NMT1: variants seen among roughly 807,000 people sequenced by gnomAD.
The protein encoded by NMT1 is glycylpeptide N-tetradecanoyltransferase 1.
In NMT1, 12 loss-of-function variants were observed where a neutral mutation model predicts 63.4. The ratio of observed to expected loss-of-function variants is 0.19; its 90% CI spans 0.12 to 0.31. The LOEUF (loss-of-function observed/expected upper bound fraction) is 0.31. Ranked by LOEUF, NMT1 falls within the 10% of genes least tolerant of loss-of-function variation. The probability of loss-of-function intolerance (pLI) is 1.00; values close to 1 mark genes in which losing one functional copy is unlikely to be tolerated. For synonymous variants in NMT1, 228 were observed against 234.3 expected (o/e 0.97, Z 0.25); for missense variants, 432 against 634.6 (o/e 0.68, Z 3.43).
chr17:45,072,920 A>G (rs1467381233), intron 1 of NMT1, among the ~76,000 whole-genome samples: 1 of 152,188 alleles, frequency 6.6e-6, no homozygotes, highest in Non-Finnish European at 1.5e-5. Flanking sequence ...GCTCAAGAGC[A>G]CAGCATTTCC....
intron 7 of NMT1, 151 bp from the exon 8 acceptor site, chr17:45,099,254 G>A (rs877599): frequency 0.2 from 124,101 of 627,676 alleles, 13,706 homozygotes; most frequent in African/African-American, 0.33. Context: ...TGTGGGGAGG[G>A]GGAGGCTGGA....
chr17:45,092,716 AAAAAAG>A (rs200651231), intron 3 of NMT1, among the ~76,000 whole-genome samples: 25,791 of 148,640 alleles, frequency 0.17, 2,473 homozygotes, highest in East Asian at 0.26. Flanking sequence ...TCAAAAAAAA[AAAAAAG>A]AAAAGAAAAG....
rs572000528 is a variant in NMT1 at position 45,071,272 on chromosome 17, T to C, written c.131+9812T>C. On this transcript the variant is annotated intron_variant, in intron 1 of 11. Transcript: ENST00000258960. ...TTATTTGAGACAAGGTTTCACTCTG[T>C]CACCCAGATCGTAGTGCCATGGTGC... Among the ~76,000 whole-genome samples the C allele has an allele frequency of 1.7e-4, 26 of 152,326 alleles. 1 individual carries two copies. Among genetic ancestry groups the C allele is most frequent in the South Asian group, 1.2e-3 (6 of 4,824 alleles).
chr17:45,095,393 C>A (rs148130917), intron 4 of NMT1, among the ~76,000 whole-genome samples: 2,774 of 152,272 alleles, frequency 0.018, 56 homozygotes, highest in South Asian at 0.07. Context: ...CAGGCTTGAG[C>A]CACCACACCG....
At chr17:45,091,519 T>A (rs2054087989) in intron 3 of NMT1, among the ~76,000 whole-genome samples, 2 of 152,234 alleles carry the variant, frequency 1.3e-5, no homozygotes. Flanking sequence ...TCAGTATTCT[T>A]GGCCATGGAA....
intron 2 of NMT1, 51 bp downstream of exon 2, chr17:45,081,803 G>C: frequency 7.4e-7 from 1 of 1,351,254 alleles, no homozygotes; most frequent in Non-Finnish European, 1.0e-6. Flanking sequence ...TCACATGAGA[G>C]AGTTTTGAGG....
At chr17:45,098,360 C>T (rs762208342) in intron 6 of NMT1, 22 bp from the exon 7 acceptor site, 5 of 1,608,884 alleles carry the variant, frequency 3.1e-6, no homozygotes, top group Non-Finnish European at 4.3e-6. Flanking sequence ...AACCTTGTCA[C>T]CTGGATTTTT....
chr17:45,067,383 G>A (rs545736896), intron 1 of NMT1, among the ~76,000 whole-genome samples: 14 of 152,260 alleles, frequency 9.2e-5, no homozygotes, highest in Middle Eastern at 6.8e-3. Context: ...CGGGTCAAGA[G>A]CCCTCTGACA....
chr17:45,080,167 C>CT (rs11298210), intron 1 of NMT1, among the ~76,000 whole-genome samples: 54 of 145,542 alleles, frequency 3.7e-4, no homozygotes, highest in African/African-American at 8.8e-4. Flanking sequence ...TTTTTTTTCC[C>CT]TTTTTTTTTT....
At position 45,104,150 on chromosome 17, in the gene NMT1, G is replaced by C; in HGVS notation, c.1332+274G>C. On this transcript the variant is annotated intron_variant, in intron 10 of 11. Transcript: ENST00000258960. This position sits in a 1 kb window ranked among gnomAD's most constrained non-coding sequence, Gnocchi z 4.2. The stretch of plus-strand genomic sequence containing the variant: ...CGCCACCAAGGAGCCTGAATAGCCA[G>C]GCCTTCCCTGGGAGGACAGGGCTTC... 1 of 1,342,190 alleles carries C rather than the reference G, an allele frequency of 7.5e-7. No homozygotes were observed. Among genetic ancestry groups the C allele is most frequent in the Non-Finnish European group, 9.6e-7 (1 of 1,039,044 alleles). The allele number at this position is 1,342,190 out of a possible 1,614,324, so 83.1% of individuals were successfully genotyped here.
At chr17:45,079,812 A>G (rs972034866) in intron 1 of NMT1, among the ~76,000 whole-genome samples, 11 of 151,220 alleles carry the variant, frequency 7.3e-5, no homozygotes, top group African/African-American at 9.7e-5. Context: ...CCATTCTCCT[A>G]CCTCAGCCTC....
chr17:45,074,762 C>T (rs1216292859), intron 1 of NMT1, among the ~76,000 whole-genome samples: 1 of 152,174 alleles, frequency 6.6e-6, no homozygotes, highest in Admixed American at 6.6e-5. Flanking sequence ...ACAAGTTGGA[C>T]TTTGGTTTGC....
rs1380857286 is a variant in NMT1, at chr17:45,079,699, T to C, written c.132-1945T>C. 7.2e-5 allele frequency among the ~76,000 whole-genome samples: 11 copies of C among 152,262 alleles called. No individual in the cohort carries two copies. In the East Asian group the frequency reaches 9.7e-4, roughly 13 times the overall value. On this transcript the variant is annotated intron_variant, in intron 1 of 11. Transcript: ENST00000258960. ...ACACAGACATGTTTCTTTTATTTAT[T>C]TATTTATTTTTATTTTTTGAGACGG...
intron 1 of NMT1, among the ~76,000 whole-genome samples, chr17:45,068,511 C>T (rs987494024): frequency 1.3e-5 from 2 of 152,148 alleles, no homozygotes; most frequent in African/African-American, 4.8e-5. Flanking sequence ...GAGCTGCTCT[C>T]TTGAGAGACA....
chr17:45,097,058 G>T (rs1034431598), intron 5 of NMT1, 70 bp from the exon 6 acceptor site: 1 of 1,290,700 alleles, frequency 7.7e-7, no homozygotes, highest in Non-Finnish European at 1.1e-6. Flanking sequence ...ACCAAATTTG[G>T]CTGTGGAGCC....
At position 45,101,362 on chromosome 17, in the gene NMT1, C is replaced by T. The variant is rs575187390; in HGVS notation, c.994-1589C>T. On this transcript the variant is annotated intron_variant, in intron 8 of 11. Transcript: ENST00000258960. ...CCCTTCTCAGGTGGGCGGTGGCTCA[C>T]GCCTGTAATCCCAGCACTTTGGCAG... 1.7e-4 allele frequency among the ~76,000 whole-genome samples: 25 copies of T among 150,316 alleles called. No individual in the cohort carries two copies. The East Asian group carries it at 2.1e-3, about 13-fold the overall frequency.
Position 45,104,558 on chromosome 17 carries a change from G to A in NMT1, c.1333-301G>A. The stretch of plus-strand genomic sequence containing the variant: ...CAGGGTTTGGACTCCAGAGAGGACT[G>A]TGGAAATTACTAGAGTTTCAGGGAG... On this transcript the variant is annotated intron_variant, in intron 10 of 11. Transcript: ENST00000258960. This position sits in a 1 kb window ranked among gnomAD's most constrained non-coding sequence, Gnocchi z 4.2. 1 of 1,186,536 alleles carries A rather than the reference G, an allele frequency of 8.4e-7. No homozygotes were observed. The highest frequency in any genetic ancestry group is 2.4e-5 in the South Asian group (1 of 41,604). The allele number at this position is 1,186,536 out of a possible 1,614,324, so 73.5% of individuals were successfully genotyped here.
intron 4 of NMT1, 98 bp downstream of exon 4, chr17:45,093,901 A>G: frequency 1.0e-6 from 1 of 966,192 alleles, no homozygotes; most frequent in East Asian, 2.4e-5. Context: ...AGCCCTAGAG[A>G]GCTGAGCCAA....
At chr17:45,079,132 C>G (rs542376505) in intron 1 of NMT1, among the ~76,000 whole-genome samples, 93 of 145,134 alleles carry the variant, frequency 6.4e-4, no homozygotes, top group Non-Finnish European at 1.2e-3. Flanking sequence ...AAGATGGAGT[C>G]TTGCTCTGTC....
Sources: gnomAD v4.1 joint callset for allele counts (sites outside exome capture counted in the v4.1 genomes callset) on GRCh38, gnomAD v4.1.1 for gene constraint, Gnocchi (gnomAD v3.1) non-coding constraint, MANE v1.5 for transcripts, NCBI Gene and HGNC (gene_info 2026-07-23, HGNC 2026-07-21) for gene names.